Variants in PTPRM observed in about 807,000 individuals in gnomAD.
PTPRM encodes protein tyrosine phosphatase receptor type M.
PTPRM carries 47 observed loss-of-function variants against 186.7 expected under a neutral mutation model. The ratio of observed to expected loss-of-function variants is 0.25; its 90% confidence interval spans 0.20 to 0.32. The LOEUF is 0.32. PTPRM is among the 10% of genes least tolerant of loss of function. The pLI is 1.00. For missense variants in PTPRM, 1,494 were observed against 1,865.0 expected (o/e 0.80, Z 3.66); for synonymous variants, 668 against 674.9 (o/e 0.99, Z 0.16).
In PTPRM at chr18:7,705,910, T is replaced by C. The variant is rs544372159; in HGVS notation, c.74-68239T>C. Among the ~76,000 whole-genome samples the C allele has an allele frequency of 2.7e-5, 4 of 150,056 alleles. No homozygotes were observed. In the South Asian group the frequency reaches 8.3e-4, roughly 31 times the overall value. ...TAGTTTTCATGTTTTTCTTACAGTTTCTTTAATAACCCAAATGATACAAGA... is the reference window on the plus strand; with the variant it reads ...TAGTTTTCATGTTTTTCTTACAGTTCCTTTAATAACCCAAATGATACAAGA... On this transcript the variant is annotated intron_variant, in intron 1 of 32. Transcript: ENST00000580170.
intron 14 of PTPRM, among the ~76,000 whole-genome samples, chr18:8,240,287 C>T (rs1413029790): frequency 2.0e-5 from 3 of 151,984 alleles, no homozygotes; most frequent in East Asian, 1.9e-4. Context: ...CTTTATGGCT[C>T]TTTTGGGTAT....
At position 8,056,368 on chromosome 18, in the gene PTPRM, C is replaced by T. The variant is rs1247713086; in HGVS notation, c.1133-13318C>T. Among the ~76,000 whole-genome samples the T allele has an allele frequency of 3.9e-5, 6 of 152,158 alleles. 1 individual carries two copies. The highest frequency in any genetic ancestry group is 3.9e-4 in the Admixed American group (6 of 15,280). On this transcript the variant is annotated intron_variant, in intron 7 of 32. Coordinates refer to ENST00000580170, the MANE Select transcript of PTPRM (RefSeq NM_001105244.2). ...TTAGGGCTGGTTGCAGTGGCTCATGCCTGTAATCTCATCACTTTGGGAGGC... is the reference window on the plus strand; with the variant it reads ...TTAGGGCTGGTTGCAGTGGCTCATGTCTGTAATCTCATCACTTTGGGAGGC...
intron 1 of PTPRM, among the ~76,000 whole-genome samples, chr18:7,698,022 G>A (rs532893315): frequency 5.9e-5 from 9 of 152,214 alleles, no homozygotes; most frequent in Non-Finnish European, 1.0e-4. Context: ...CAAATAGTTC[G>A]TGAGTTGTAT....
At chr18:8,134,039 A>G (rs1007645680) in intron 13 of PTPRM, among the ~76,000 whole-genome samples, 3 of 152,180 alleles carry the variant, frequency 2.0e-5, no homozygotes, top group Admixed American at 6.5e-5. Flanking sequence ...TCAGATGACA[A>G]TTCTTTAACC....
In PTPRM at chr18:7,842,910, A is replaced by G. The variant is rs57874943; in HGVS notation, c.197-45196A>G. Among the ~76,000 whole-genome samples the G allele has an allele frequency of 2.7e-3, 284 of 107,026 alleles. 2 individuals carry two copies. The highest frequency in any genetic ancestry group is 0.012 in the African/African-American group (259 of 21,438). The allele number at this position is 107,026 out of a possible 152,430, so 70.2% of individuals were successfully genotyped here. ...GTGTATATATATATATGTTTCTCAT[A>G]TGTGTGTGTGTGTGTGTGTGTATAT... On this transcript the variant is annotated intron_variant, in intron 2 of 32. Coordinates refer to ENST00000580170, the MANE Select transcript of PTPRM (RefSeq NM_001105244.2).
chr18:7,875,734 G>A (rs1004394055), intron 2 of PTPRM, among the ~76,000 whole-genome samples: 6 of 151,828 alleles, frequency 4.0e-5, no homozygotes, highest in South Asian at 2.1e-4. Context: ...TCTCTATCCC[G>A]GTCACTCTCC....
At chr18:7,675,203 C>T (rs1410406780) in intron 1 of PTPRM, among the ~76,000 whole-genome samples, 1 of 152,124 alleles carries the variant, frequency 6.6e-6, no homozygotes, top group Admixed American at 6.5e-5. Context: ...GTATTGTTGG[C>T]GGAGTCCTTA....
chr18:7,935,404 T>C (rs923818865), intron 5 of PTPRM, among the ~76,000 whole-genome samples: 1 of 152,198 alleles, frequency 6.6e-6, no homozygotes, highest in African/African-American at 2.4e-5. Flanking sequence ...TAACTTAATA[T>C]GATTTTGGAT....
intron 7 of PTPRM, among the ~76,000 whole-genome samples, chr18:8,057,258 T>G (rs1200722161): frequency 6.6e-6 from 1 of 151,952 alleles, no homozygotes; most frequent in Non-Finnish European, 1.5e-5. Flanking sequence ...CATAAAATGT[T>G]AACATTTGAT....
chr18:7,792,116 C>A (rs1726973496), intron 2 of PTPRM, among the ~76,000 whole-genome samples: 1 of 152,092 alleles, frequency 6.6e-6, no homozygotes, highest in Non-Finnish European at 1.5e-5. Flanking sequence ...ATATATTTAT[C>A]AAAAAATCAA....
intron 1 of PTPRM, among the ~76,000 whole-genome samples, chr18:7,717,100 T>A (rs73391550): frequency 0.065 from 9,961 of 152,192 alleles, 863 homozygotes; most frequent in African/African-American, 0.19. Context: ...TGGATAGGGA[T>A]GGGAGCAAAG....
intron 23 of PTPRM, among the ~76,000 whole-genome samples, chr18:8,346,473 C>T (rs1301967555): frequency 2.0e-5 from 3 of 152,156 alleles, no homozygotes; most frequent in Non-Finnish European, 4.4e-5. Flanking sequence ...GGGTGAGGGC[C>T]CCACCTTAAT....
intron 30 of PTPRM, among the ~76,000 whole-genome samples, 158 bp from the exon 31 acceptor site, chr18:8,386,914 C>A (rs2095778434): frequency 6.6e-6 from 1 of 152,138 alleles, no homozygotes; most frequent in African/African-American, 2.4e-5. Context: ...AGATTAAAAA[C>A]CATAACTCTT....
At chr18:7,700,106 A>G (rs1472559076) in intron 1 of PTPRM, among the ~76,000 whole-genome samples, 8 of 152,262 alleles carry the variant, frequency 5.3e-5, no homozygotes, top group Non-Finnish European at 8.8e-5. Flanking sequence ...AGAATATGCA[A>G]TCAGAGTCAG....
chr18:7,658,530 AG>A (rs1245415714), intron 1 of PTPRM, among the ~76,000 whole-genome samples: 3 of 151,844 alleles, frequency 2.0e-5, no homozygotes, highest in Non-Finnish European at 2.9e-5. Context: ...CAGCTGTGTT[AG>A]GGGTTGCATG....
At chr18:7,806,246 C>T (rs778571334) in intron 2 of PTPRM, among the ~76,000 whole-genome samples, 1 of 152,154 alleles carries the variant, frequency 6.6e-6, no homozygotes, top group Non-Finnish European at 1.5e-5. Context: ...AATTCAGACA[C>T]CCCATATGAC....
intron 7 of PTPRM, among the ~76,000 whole-genome samples, chr18:7,963,694 A>G (rs996014413): frequency 6.6e-6 from 1 of 152,232 alleles, no homozygotes; most frequent in Non-Finnish European, 1.5e-5. Context: ...CTAATGAGCC[A>G]TCTAACATGG....
At chr18:8,377,915 T>G (rs1480956990) in intron 26 of PTPRM, 2 of 178,998 alleles carry the variant, frequency 1.1e-5, no homozygotes, top group East Asian at 2.9e-4. Context: ...CTGGACCTTC[T>G]TTGCACTATT....
At chr18:7,646,162 A>G (rs542896153) in intron 1 of PTPRM, among the ~76,000 whole-genome samples, 1 of 152,256 alleles carries the variant, frequency 6.6e-6, no homozygotes, top group African/African-American at 2.4e-5. Context: ...AGCTGTGTCA[A>G]TACTCACAAA....
Sources: allele counts gnomAD v4.1 joint callset (sites outside exome capture counted in the v4.1 genomes callset), GRCh38; gene constraint gnomAD v4.1.1; transcripts MANE v1.5; gene names NCBI Gene and HGNC (gene_info 2026-07-23, HGNC 2026-07-21).